Variants in KRT1 observed in about 807,000 individuals in gnomAD.
The protein encoded by KRT1 is keratin 1, also known as keratin, type II cytoskeletal 1.
A neutral mutation model predicts 51.6 loss-of-function variants in KRT1; 28 were observed. That is an observed-to-expected ratio of 0.54 (90% CI 0.40 to 0.74). KRT1 has a LOEUF of 0.74. KRT1 is among the 30% of genes least tolerant of loss of function. KRT1 has a pLI of 0.00. For synonymous variants in KRT1, 301 were observed against 307.7 expected (o/e 0.98, Z 0.23); for missense variants, 783 against 815.5 (o/e 0.96, Z 0.49).
Position 52,677,574 on chromosome 12 carries a change from A to G in KRT1, c.963+76T>C. 5 of 1,603,336 alleles carry G rather than the reference A, an allele frequency of 3.1e-6. No individual in the cohort carries two copies. In the South Asian group the frequency reaches 4.4e-5, roughly 14 times the overall value. ...GTCAGAAAATAAAAGATAAATATCT[A>G]TTCTTCTGAATCGTTGTGGGTTCAG... On this transcript the variant is annotated intron_variant, in intron 4 of 8. Coordinates refer to ENST00000252244, the MANE Select transcript of KRT1 (RefSeq NM_006121.4).
rs1941482973 is a variant in KRT1 at position 52,675,319 on chromosome 12, G to T, written c.1809C>A (p.Gly603=). Reference sequence around the variant, plus strand: ...AGCCTCCAGAGCTCCCGCCGCCAGAGCCCCGGCCGCCAGAGCTGCCGCCGC... The same window carrying T: ...AGCCTCCAGAGCTCCCGCCGCCAGATCCCCGGCCGCCAGAGCTGCCGCCGC... The part of the protein sequence containing the change: ...GGGGGSSGGR[G]SGGGSSGGSI... Residue 603 remains glycine, a synonymous_variant, in exon 9 of 9, where the codon GGC becomes GGA. Coordinates refer to ENST00000252244, the MANE Select transcript of KRT1 (RefSeq NM_006121.4). The T allele has an allele frequency of 1.2e-6, 2 of 1,611,930 alleles. No individual in the cohort carries two copies. Among genetic ancestry groups the T allele is most frequent in the Non-Finnish European group, 1.7e-6 (2 of 1,179,658 alleles).
rs1405583841 is a variant in KRT1 at position 52,677,630 on chromosome 12, G to T, written c.963+20C>A. On this transcript the variant is annotated intron_variant, in intron 4 of 8. Transcript: ENST00000252244. ...AAAACTCTCCATTTAGATAAACTTG[G>T]TTGAAACTGGAAGACTTACTGCTTG... is the stretch of plus-strand genomic sequence containing the variant. 7 of 1,612,652 alleles carry T rather than the reference G, an allele frequency of 4.3e-6. No homozygotes were observed. The South Asian group carries it at 7.7e-5, about 18-fold the overall frequency.
chr12:52,679,753 C>T lies in KRT1; in HGVS notation c.591+5G>A. 5 of 1,613,734 alleles carry T rather than the reference C, an allele frequency of 3.1e-6. No homozygotes were observed. Among genetic ancestry groups the T allele is most frequent in the Non-Finnish European group, 3.4e-6 (4 of 1,179,608 alleles). On this transcript the variant is annotated splice_donor_5th_base_variant and intron_variant, in intron 1 of 8. Transcript: ENST00000252244. ...CCCTACCAGTGCAATGAGAGAGAAA[C>T]TCACCTTGTCAATGAAGGAGGCAAA...
At chr12:52,677,767 T>C (rs1941533017) in intron 3 of KRT1, 22 bp from the exon 4 acceptor site, 2 of 1,599,380 alleles carry the variant, frequency 1.3e-6, no homozygotes, top group South Asian at 2.2e-5. Flanking sequence ...AGGGACATCA[T>C]GAAGGCACAT....
Position 52,680,245 on chromosome 12 carries a change from G to A in KRT1, c.104C>T (p.Ser35Phe), listed in dbSNP as rs776371326. ...INYQRRTTSS[S>F]TRRSGGGGGR... is the part of the protein sequence containing the mutation. ...ACCACCTCCTCCACTGCGGCGTGTG[G>A]AGCTGCTGGTGGTCCTGCGCTGGTA... Residue 35 changes from serine to phenylalanine, a missense_variant, in exon 1 of 9, where the codon TCC (serine) becomes TTC (phenylalanine). Physicochemically the swap from Ser to Phe is radical, Grantham distance 155. Transcript: ENST00000252244. 1.2e-6 allele frequency: 2 copies of A among 1,614,130 alleles called. No individual in the cohort carries two copies. The highest frequency in any genetic ancestry group is 2.2e-5 in the South Asian group (2 of 91,078).
intron 6 of KRT1, among the ~76,000 whole-genome samples, chr12:52,676,812 G>A (rs1270237058): frequency 6.6e-6 from 1 of 152,140 alleles, no homozygotes; most frequent in Non-Finnish European, 1.5e-5. Context: ...TCCACTTTGG[G>A]TCATAGGCTA....
rs1288256987 is a variant in KRT1, at chr12:52,680,310, A to G, written c.39T>C (p.Ser13=). Residue 13 remains serine (S), a synonymous_variant, in exon 1 of 9, where the codon AGT becomes AGC. Coordinates refer to ENST00000252244, the MANE Select transcript of KRT1 (RefSeq NM_006121.4). Reference sequence around the variant, plus strand: ...CAGAGCCAGAGCTGAAGCCCCCTCCACTTCGGTACCCAGACCTGGAACTAA... The same window carrying G: ...CAGAGCCAGAGCTGAAGCCCCCTCCGCTTCGGTACCCAGACCTGGAACTAA... ...RQFSSRSGYR[S]GGGFSSGSAG... is the part of the protein sequence containing the mutation. The G allele has an allele frequency of 3.7e-6, 6 of 1,614,064 alleles. No individual in the cohort carries two copies. Among genetic ancestry groups the G allele is most frequent in the African/African-American group, 1.3e-5 (1 of 74,986 alleles).
rs184313837 is a variant in KRT1, at chr12:52,680,271, G to A, written c.78C>T (p.Asn26=). The A allele has an allele frequency of 5.6e-5, 90 of 1,613,726 alleles. No individual in the cohort carries two copies. In the East Asian group the frequency reaches 1.9e-3, roughly 33 times the overall value. The change falls in exon 1 of 9, where the codon AAC becomes AAT. Residue 26 remains asparagine, a synonymous_variant. Coordinates refer to ENST00000252244, the MANE Select transcript of KRT1 (RefSeq NM_006121.4). ...GFSSGSAGII[N]YQRRTTSSST... Reference sequence around the variant, plus strand: ...AGCTGCTGGTGGTCCTGCGCTGGTAGTTGATGATCCCAGCAGAGCCAGAGC... The same window carrying A: ...AGCTGCTGGTGGTCCTGCGCTGGTAATTGATGATCCCAGCAGAGCCAGAGC...
At chr12:52,676,206 C>T in intron 7 of KRT1, 69 bp downstream of exon 7, 1 of 1,313,786 alleles carries the variant, frequency 7.6e-7, no homozygotes, top group Non-Finnish European at 1.1e-6. Context: ...GCTGCATCTT[C>T]AACAACAATC....
At position 52,676,103 on chromosome 12, in the gene KRT1, T is replaced by C. The variant is rs562919706; in HGVS notation, c.1475+172A>G. Among the ~76,000 whole-genome samples the C allele has an allele frequency of 5.3e-4, 81 of 152,194 alleles. 1 individual carries two copies. The highest frequency in any genetic ancestry group is 3.5e-4 in the Non-Finnish European group (24 of 68,036). On this transcript the variant is annotated intron_variant, in intron 7 of 8. Coordinates refer to ENST00000252244, the MANE Select transcript of KRT1 (RefSeq NM_006121.4). ...GCCCTAGAAGAAAAAAATAAACAGC[T>C]TGGGACTCCAGCTCCCAAAGTAAAA...
rs1941525555 is a variant in KRT1 at position 52,677,412 on chromosome 12, A to C, written c.1032T>G (p.Ser344Arg). The C allele has an allele frequency of 6.2e-7, 1 of 1,614,202 alleles. No individual in the cohort carries two copies. Among genetic ancestry groups the C allele is most frequent in the Non-Finnish European group, 8.5e-7 (1 of 1,180,034 alleles). ...CAGCAATGATGCTGTCCAGGTCGAG[A>C]CTGCGGTTGTTGTCCATAGAGAGGA... ...NVILSMDNNR[S>R]LDLDSIIAEV... Residue 344 changes from serine to arginine, a missense_variant, in exon 5 of 9, where the codon AGT becomes AGG. By Grantham distance (110) the Ser-to-Arg change is moderately radical (BLOSUM62 -1). Coordinates refer to ENST00000252244, the MANE Select transcript of KRT1 (RefSeq NM_006121.4).
In KRT1 at chr12:52,676,508, A is replaced by G. The variant is rs775951137; in HGVS notation, c.1255-13T>C. On this transcript the variant is annotated splice_polypyrimidine_tract_variant and intron_variant, in intron 6 of 8. Coordinates refer to ENST00000252244, the MANE Select transcript of KRT1 (RefSeq NM_006121.4). ...GCAAGTTGGAGATCTGAAAAAGAATATGACACCCTCTCATAATATGCATTC... is the reference window on the plus strand; with the variant it reads ...GCAAGTTGGAGATCTGAAAAAGAATGTGACACCCTCTCATAATATGCATTC... 6.8e-6 allele frequency: 11 copies of G among 1,613,838 alleles called. No homozygotes were observed. The South Asian group carries it at 1.2e-4, about 18-fold the overall frequency.
chr12:52,677,615 A>G (rs759906721), intron 4 of KRT1, 35 bp downstream of exon 4: 1 of 1,609,694 alleles, frequency 6.2e-7, no homozygotes, highest in Non-Finnish European at 8.5e-7. Context: ...AAAACTCTCC[A>G]TTTAGATAAA....
chr12:52,675,004 T>A lies in KRT1; in HGVS notation c.*189A>T. On this transcript the variant is annotated 3_prime_UTR_variant, in exon 9 of 9. Transcript: ENST00000252244. Reference sequence around the variant, plus strand: ...AGGGTCATAGCCAGGGGACTGAGATTGCCACTGATCTGAAAACTTCATTGG... The same window carrying A: ...AGGGTCATAGCCAGGGGACTGAGATAGCCACTGATCTGAAAACTTCATTGG... 1.2e-6 allele frequency: 1 copy of A among 811,604 alleles called. No homozygotes were observed. The highest frequency in any genetic ancestry group is 2.1e-6 in the Non-Finnish European group (1 of 477,332). The allele number at this position is 811,604 out of a possible 1,614,324, so 50.3% of individuals were successfully genotyped here.
chr12:52,676,361 G>T lies in KRT1; in HGVS notation c.1389C>A (p.Arg463=). 1 of 1,613,858 alleles carries T rather than the reference G, an allele frequency of 6.2e-7. No individual in the cohort carries two copies. The highest frequency in any genetic ancestry group is 8.5e-7 in the Non-Finnish European group (1 of 1,179,942). ...TTGTGTTCATCAGCTCCTGGTAGTC[G>T]CGCAGCAGGCGGGCCAGGTCTTCCT... ...QAKEDLARLL[R]DYQELMNTKL... Residue 463 remains arginine (R), a synonymous_variant, in exon 7 of 9, where the codon CGC becomes CGA. Transcript: ENST00000252244.
intron 2 of KRT1, 72 bp downstream of exon 2, chr12:52,678,470 T>C: frequency 6.9e-7 from 1 of 1,445,224 alleles, no homozygotes; most frequent in Non-Finnish European, 9.7e-7. Flanking sequence ...TGCTGCTTCA[T>C]GATCTTAGCT....
chr12:52,680,016 T>A lies in KRT1; in HGVS notation c.333A>T (p.Gly111=), dbSNP rs1565648149. The change falls in exon 1 of 9, where the codon GGA becomes GGT. Residue 111 remains glycine (G), a synonymous_variant. Coordinates refer to ENST00000252244, the MANE Select transcript of KRT1 (RefSeq NM_006121.4). The part of the protein sequence containing the change: ...GGGFGGGGFG[G]GGIGGGGFGG... ...CAAAGCCACCACCCCCAATGCCACC[T>A]CCACCAAAGCCACCACCACCAAAGC... 1 of 1,550,278 alleles carries A rather than the reference T, an allele frequency of 6.5e-7. No homozygotes were observed. The highest frequency in any genetic ancestry group is 8.7e-7 in the Non-Finnish European group (1 of 1,149,898).
intron 6 of KRT1, 60 bp downstream of exon 6, chr12:52,676,999 C>T: frequency 1.9e-6 from 3 of 1,602,896 alleles, no homozygotes. Context: ...AGCACTCGCC[C>T]TTTACCTGAG....
rs1247800964 is a variant in KRT1 at position 52,679,745 on chromosome 12, G to A, written c.591+13C>T. 6.2e-7 allele frequency: 1 copy of A among 1,611,820 alleles called. No homozygotes were observed. The highest frequency in any genetic ancestry group is 1.3e-5 in the African/African-American group (1 of 74,852). ...AGCGGCAGCCCTACCAGTGCAATGA[G>A]AGAGAAACTCACCTTGTCAATGAAG... On this transcript the variant is annotated intron_variant, in intron 1 of 8. Coordinates refer to ENST00000252244, the MANE Select transcript of KRT1 (RefSeq NM_006121.4).
Sources: gnomAD v4.1 joint callset for allele counts (sites outside exome capture counted in the v4.1 genomes callset) on GRCh38, gnomAD v4.1.1 for gene constraint, MANE v1.5 for transcripts, NCBI Gene and HGNC (gene_info 2026-07-23, HGNC 2026-07-21) for gene names.